The following GABRG3 variants were observed in gnomAD, a reference collection of about 807,000 sequenced individuals.
GABRG3 encodes the protein gamma-aminobutyric acid receptor subunit gamma-3.
GABRG3 carries 25 observed loss-of-function variants against 48.8 expected under a neutral mutation model. The observed-to-expected ratio is 0.51, with a 90% CI of 0.37 to 0.72. The LOEUF (loss-of-function observed/expected upper bound fraction) is 0.72, where lower values mean the gene tolerates loss of function less well. Among genes scored for constraint, GABRG3 ranks in the 30% least tolerant of loss-of-function variants. The probability of loss-of-function intolerance (pLI) is 0.00; values close to 1 mark genes in which losing one functional copy is unlikely to be tolerated. For synonymous variants in GABRG3, 227 were observed against 217.6 expected, an observed-to-expected ratio of 1.04 and a Z score of -0.38; for missense variants, 394 against 577.9, an observed-to-expected ratio of 0.68 and a Z score of 3.26.
intron 6 of GABRG3, among the ~76,000 whole-genome samples, chr15:27,484,036 G>A (rs752062394): frequency 9.9e-5 from 15 of 152,256 alleles, no homozygotes; most frequent in Middle Eastern, 3.4e-3. Context: ...CTAGGTTCAA[G>A]CAATTCTCCT....
At chr15:27,056,051 CAG>C (rs1205685199) in intron 3 of GABRG3, among the ~76,000 whole-genome samples, 1 of 151,990 alleles carries the variant, frequency 6.6e-6, no homozygotes, top group Admixed American at 6.6e-5. Context: ...TAGTCACAAA[CAG>C]AAAATAAATG....
chr15:27,355,714 GA>G (rs927001160), intron 5 of GABRG3, among the ~76,000 whole-genome samples: 67 of 152,326 alleles, frequency 4.4e-4, no homozygotes, highest in African/African-American at 1.5e-3. Flanking sequence ...AAAGTGGGGG[GA>G]AACCCAGATG....
chr15:27,299,253 C>T (rs1179067401), intron 3 of GABRG3, among the ~76,000 whole-genome samples: 1 of 152,070 alleles, frequency 6.6e-6, no homozygotes, highest in Non-Finnish European at 1.5e-5. Flanking sequence ...CACTGCATTC[C>T]ACCTTGGGCA....
intron 3 of GABRG3, among the ~76,000 whole-genome samples, chr15:27,133,548 T>C (rs904963821): frequency 2.0e-5 from 3 of 152,226 alleles, no homozygotes; most frequent in African/African-American, 4.8e-5. Flanking sequence ...TATGCATTTC[T>C]ACCTTTGAAA....
chr15:27,507,883 G>T (rs937929080), intron 6 of GABRG3, among the ~76,000 whole-genome samples: 1 of 152,138 alleles, frequency 6.6e-6, no homozygotes, highest in Non-Finnish European at 1.5e-5. Context: ...TTCTGTTAGA[G>T]AATCCATCCT....
chr15:27,423,218 A>C (rs1278264045), intron 5 of GABRG3, among the ~76,000 whole-genome samples: 13 of 134,292 alleles, frequency 9.7e-5, no homozygotes, highest in Non-Finnish European at 2.0e-4. Context: ...CCAGGTATAC[A>C]AAAAAAAAAA....
chr15:27,295,122 T>C (rs780732604), intron 3 of GABRG3: 2 of 152,158 alleles, frequency 1.3e-5, no homozygotes, highest in Admixed American at 6.6e-5. Flanking sequence ...TTTCTAGAAC[T>C]AATCTGAAAG....
intron 5 of GABRG3, among the ~76,000 whole-genome samples, chr15:27,469,083 G>A (rs1328486286): frequency 6.6e-6 from 1 of 152,178 alleles, no homozygotes; most frequent in Non-Finnish European, 1.5e-5. Flanking sequence ...TCCACTAAGG[G>A]TATTAGAACA....
chr15:27,288,985 A>G (rs1169689086), intron 3 of GABRG3, among the ~76,000 whole-genome samples: 1 of 152,156 alleles, frequency 6.6e-6, no homozygotes, highest in Non-Finnish European at 1.5e-5. Context: ...TCTGCACTTG[A>G]AAAATGTTCC....
chr15:27,377,323 A>G lies in GABRG3; in HGVS notation c.574+48435A>G, dbSNP rs192906212. Among the ~76,000 whole-genome samples, 576 of 152,188 alleles carry G rather than the reference A, an allele frequency of 3.8e-3. 7 individuals are homozygous for G. The highest frequency in any genetic ancestry group is 0.013 in the African/African-American group (533 of 41,512). On this transcript the variant is annotated intron_variant, in intron 5 of 9. Transcript: ENST00000615808. ...CTGTTACAACCTCTGCCTGTCACCA[A>G]TTTCCAAAGTCACTTCCACGTTTTC...
At chr15:27,328,129 CA>C (rs34834839) in intron 4 of GABRG3, among the ~76,000 whole-genome samples, 2,764 of 139,494 alleles carry the variant, frequency 0.02, 90 homozygotes, top group African/African-American at 0.065. Context: ...AAAAAAAAAC[CA>C]AAAAAAAAAA....
intron 2 of GABRG3, among the ~76,000 whole-genome samples, chr15:27,015,864 C>T (rs1895769860): frequency 6.6e-6 from 1 of 151,980 alleles, no homozygotes; most frequent in Non-Finnish European, 1.5e-5. Context: ...TTGTTTCATT[C>T]CATTGTGGTC....
intron 6 of GABRG3, among the ~76,000 whole-genome samples, chr15:27,513,310 C>A (rs938836263): frequency 6.6e-6 from 1 of 151,994 alleles, no homozygotes; most frequent in East Asian, 1.9e-4. Flanking sequence ...ATTAGCCAGG[C>A]GTGGTGGTGG....
chr15:27,226,281 T>A (rs1195705073), intron 3 of GABRG3, among the ~76,000 whole-genome samples: 2 of 152,088 alleles, frequency 1.3e-5, no homozygotes, highest in African/African-American at 4.8e-5. Context: ...ATCCAGGAAC[T>A]CAAGGGACAG....
chr15:27,180,172 T>C lies in GABRG3; in HGVS notation c.271-146637T>C, dbSNP rs145931603. 7.9e-5 allele frequency among the ~76,000 whole-genome samples: 12 copies of C among 152,280 alleles called. No individual in the cohort carries two copies. The East Asian group carries it at 1.2e-3, about 15-fold the overall frequency. On this transcript the variant is annotated intron_variant, in intron 3 of 9. Coordinates refer to ENST00000615808, the MANE Select transcript of GABRG3 (RefSeq NM_033223.5). The surrounding 1 kb of genome is among the most constrained non-coding windows in gnomAD (Gnocchi z 4.2). ...AGGCCCGGGGGGTGAGATACATAAA[T>C]TGAGCCTGCCCATAATGAACACACA...
At chr15:27,112,376 G>T (rs906168222) in intron 3 of GABRG3, among the ~76,000 whole-genome samples, 4 of 151,392 alleles carry the variant, frequency 2.6e-5, no homozygotes, top group Non-Finnish European at 5.9e-5. Context: ...GATTCTTGAT[G>T]TCCTCTTTAA....
At chr15:27,402,245 T>C (rs1341737186) in intron 5 of GABRG3, among the ~76,000 whole-genome samples, 1 of 152,200 alleles carries the variant, frequency 6.6e-6, no homozygotes, top group Non-Finnish European at 1.5e-5. Flanking sequence ...AATAGTGGAC[T>C]ATATAATTCA....
intron 3 of GABRG3, among the ~76,000 whole-genome samples, chr15:27,169,185 A>G (rs1887480436): frequency 6.6e-6 from 1 of 152,216 alleles, no homozygotes; most frequent in Non-Finnish European, 1.5e-5. Context: ...AGTGCTACAG[A>G]CAGATGTCAT....
chr15:26,972,872 G>A (rs1894872480), intron 1 of GABRG3, among the ~76,000 whole-genome samples: 1 of 152,104 alleles, frequency 6.6e-6, no homozygotes, highest in South Asian at 2.1e-4. Flanking sequence ...CGACTCCACC[G>A]GTGACTCACA....
Sources: allele counts gnomAD v4.1 joint callset (sites outside exome capture counted in the v4.1 genomes callset), GRCh38; gene constraint gnomAD v4.1.1; non-coding constraint Gnocchi (gnomAD v3.1); transcripts MANE v1.5; gene names NCBI Gene and HGNC (gene_info 2026-07-23, HGNC 2026-07-21).